PRDM2: variants seen among roughly 807,000 people sequenced by gnomAD.
PRDM2 encodes PR/SET domain 2, also known as PR domain zinc finger protein 2.
Under a neutral mutation model 130.0 loss-of-function variants are expected in PRDM2, and 30 were observed. The ratio of observed to expected loss-of-function variants is 0.23; its 90% CI spans 0.17 to 0.31. The LOEUF (loss-of-function observed/expected upper bound fraction) is 0.31, where lower values mean the gene tolerates loss of function less well. Ranked by LOEUF, PRDM2 falls within the 10% of genes least tolerant of loss-of-function variation. PRDM2 has a pLI of 1.00. For synonymous variants in PRDM2, 871 were observed against 782.4 expected, an observed-to-expected ratio of 1.11 and a Z score of -1.89; for missense variants, 2,011 against 2,108.4, an observed-to-expected ratio of 0.95 and a Z score of 0.90.
rs775365647 is a variant in PRDM2 at position 13,715,560 on chromosome 1, G to A, written c.-46G>A. On this transcript the variant is annotated 5_prime_UTR_variant, in exon 2 of 10. Transcript: ENST00000311066. ...TTTTAGGGTTCATGTAATCAAAGAA[G>A]TTTCTTTGTTGTGTGTATCTTTACA... 2.0e-6 allele frequency: 3 copies of A among 1,518,076 alleles called. No individual in the cohort carries two copies. Among genetic ancestry groups the A allele is most frequent in the East Asian group, 4.8e-5 (2 of 41,328 alleles). The allele number at this position is 1,518,076 out of a possible 1,614,324, so 94.0% of individuals were successfully genotyped here. A position where few individuals can be genotyped will look rare whatever the true frequency, so the allele number is the denominator to read the frequency against.
At position 13,806,996 on chromosome 1, in the gene PRDM2, C is replaced by T. The variant is rs74828630; in HGVS notation, c.5037-9431C>T. ...CACTGCCGTTTCCCATGTCACCTTT[C>T]CCTGTCTTCTCCTCCACTCTGACCT... On this transcript the variant is annotated intron_variant, in intron 8 of 9. Transcript: ENST00000311066. This position sits in a 1 kb window ranked among gnomAD's most constrained non-coding sequence, Gnocchi z 4.1. 0.036 allele frequency among the ~76,000 whole-genome samples: 5,448 copies of T among 152,240 alleles called. 145 individuals carry two copies. Among genetic ancestry groups the T allele is most frequent in the Non-Finnish European group, 0.053 (3,630 of 68,012 alleles).
At chr1:13,739,763 A>AAT (rs1189695300) in intron 4 of PRDM2, among the ~76,000 whole-genome samples, 6 of 151,788 alleles carry the variant, frequency 4.0e-5, no homozygotes, top group African/African-American at 7.2e-5. Flanking sequence ...GTATATTTTA[A>AAT]ATATATATAT....
chr1:13,750,382 GT>G (rs1643786671), intron 6 of PRDM2, among the ~76,000 whole-genome samples: 2 of 149,106 alleles, frequency 1.3e-5, no homozygotes, highest in African/African-American at 4.9e-5. Flanking sequence ...TGTGTTTTTT[GT>G]TTTTTTGTTT....
Position 13,749,443 on chromosome 1 carries a change from G to C in PRDM2, c.467G>C (p.Arg156Pro), listed in dbSNP as rs1213397413. The C allele has an allele frequency of 2.0e-6, 3 of 1,512,526 alleles. No homozygotes were observed. Among genetic ancestry groups the C allele is most frequent in the South Asian group, 1.1e-5 (1 of 87,994 alleles). The allele number at this position is 1,512,526 out of a possible 1,614,324, so 93.7% of individuals were successfully genotyped here. Residue 156 changes from arginine to proline, a missense_variant, in exon 6 of 10, where the codon CGA becomes CCA. By Grantham distance (103) the Arg-to-Pro change is moderately radical (BLOSUM62 -2). Coordinates refer to ENST00000311066, the MANE Select transcript of PRDM2 (RefSeq NM_001393986.1). ...PEIAAAIEEE[R>P]ASARSKRSSP... ...ATAGCAGCTGCGATTGAGGAAGAGC[G>C]AGCCAGCGCCCGGAGCAAGCGGAGC... is the stretch of plus-strand genomic sequence containing the variant.
intron 2 of PRDM2, among the ~76,000 whole-genome samples, chr1:13,726,586 G>C (rs997517747): frequency 6.6e-6 from 1 of 152,198 alleles, no homozygotes; most frequent in African/African-American, 2.4e-5. Context: ...GAAGAGAAGC[G>C]GGTAGTGACT....
chr1:13,700,462 C>T (rs1191698409), intron 1 of PRDM2, among the ~76,000 whole-genome samples, 162 bp downstream of exon 1: 4 of 149,940 alleles, frequency 2.7e-5, no homozygotes, highest in Admixed American at 2.0e-4. Context: ...CCGGGCGTGC[C>T]GGGGGCCCCG....
At chr1:13,721,217 T>C (rs1642717758) in intron 2 of PRDM2, among the ~76,000 whole-genome samples, 1 of 152,216 alleles carries the variant, frequency 6.6e-6, no homozygotes, top group Admixed American at 6.5e-5. Flanking sequence ...GGGAGCTGTT[T>C]TATGGGAGAC....
At chr1:13,817,551 T>C (rs1203669029) in intron 9 of PRDM2, among the ~76,000 whole-genome samples, 2 of 151,464 alleles carry the variant, frequency 1.3e-5, no homozygotes, top group African/African-American at 4.9e-5. Context: ...AAGGCCAGCA[T>C]CTCAAAGTGA....
chr1:13,765,883 T>A (rs766851201), intron 6 of PRDM2, among the ~76,000 whole-genome samples: 1 of 152,216 alleles, frequency 6.6e-6, no homozygotes, highest in Non-Finnish European at 1.5e-5. Context: ...ATTTAACATG[T>A]ACTTTATACT....
At chr1:13,715,015 C>G (rs1351723560) in intron 1 of PRDM2, among the ~76,000 whole-genome samples, 2 of 152,188 alleles carry the variant, frequency 1.3e-5, no homozygotes, top group Non-Finnish European at 2.9e-5. Flanking sequence ...TTCCCAACAT[C>G]TTTTATTAAA....
At chr1:13,732,164 A>G (rs1399348309) in intron 3 of PRDM2, among the ~76,000 whole-genome samples, 2 of 152,214 alleles carry the variant, frequency 1.3e-5, no homozygotes, top group African/African-American at 4.8e-5. Context: ...TGCATAGTAA[A>G]TAGAAACAAC....
At chr1:13,754,460 G>A (rs1643902948) in intron 6 of PRDM2, among the ~76,000 whole-genome samples, 1 of 152,196 alleles carries the variant, frequency 6.6e-6, no homozygotes, top group South Asian at 2.1e-4. Flanking sequence ...CTACCAATGA[G>A]TGTCACAGTC....
chr1:13,782,355 G>A lies in PRDM2; in HGVS notation c.4560G>A (p.Ala1520=), dbSNP rs763171623. The stretch of plus-strand genomic sequence containing the variant: ...ACCACCGCAGACGGACAGCGGATGC[G>A]GAGATTAAAATGCAAAGCATGCAGA... ...NSNHRRRTAD[A]EIKMQSMQTP... Residue 1520 remains alanine, a synonymous_variant, in exon 8 of 10, where the codon GCG becomes GCA. Transcript: ENST00000311066. 9 of 1,613,960 alleles carry A rather than the reference G, an allele frequency of 5.6e-6. No individual in the cohort carries two copies. The highest frequency in any genetic ancestry group is 2.2e-5 in the South Asian group (2 of 91,048).
intron 9 of PRDM2, among the ~76,000 whole-genome samples, chr1:13,818,056 G>T (rs1645285597): frequency 6.6e-6 from 1 of 152,166 alleles, no homozygotes; most frequent in African/African-American, 2.4e-5. Context: ...ATGGGAGGGA[G>T]GGGACTGGCC....
rs773841824 is a variant in PRDM2, at chr1:13,731,088, TC to T, written c.101del (p.Pro34LeufsTer18). 3 of 1,612,474 alleles carry T rather than the reference TC, an allele frequency of 1.9e-6. No individual in the cohort carries two copies. The highest frequency in any genetic ancestry group is 2.5e-6 in the Non-Finnish European group (3 of 1,179,468). On this transcript the variant is annotated frameshift_variant, in exon 3 of 10. Coordinates refer to ENST00000311066, the MANE Select transcript of PRDM2 (RefSeq NM_001393986.1). LOFTEE classifies it high-confidence loss of function. ...LRGLPEEVRL[F>X]PSAVDKTRIG... ...GGACTTCCGGAGGAAGTGAGGCTTTTCCCTTCTGCTGTTGACAAGACCCGGA... is the reference window on the plus strand; with the variant it reads ...GGACTTCCGGAGGAAGTGAGGCTTTTCCTTCTGCTGTTGACAAGACCCGGA...
In PRDM2 at chr1:13,803,588, T is replaced by C. The variant is rs1183150287; in HGVS notation, c.5037-12839T>C. ...GGAGTATGACTGTGAGCGAGTGCCT[T>C]GCTCGCTCTCCTCGGTTTCCTCGTC... On this transcript the variant is annotated intron_variant, in intron 8 of 9. Coordinates refer to ENST00000311066, the MANE Select transcript of PRDM2 (RefSeq NM_001393986.1). This position sits in a 1 kb window ranked among gnomAD's most constrained non-coding sequence, Gnocchi z 6.2. 6.6e-6 allele frequency among the ~76,000 whole-genome samples: 1 copy of C among 152,140 alleles called. No homozygotes were observed. Among genetic ancestry groups the C allele is most frequent in the Non-Finnish European group, 1.5e-5 (1 of 68,022 alleles).
At chr1:13,753,410 C>T (rs924357105) in intron 6 of PRDM2, among the ~76,000 whole-genome samples, 8 of 152,194 alleles carry the variant, frequency 5.3e-5, no homozygotes, top group Non-Finnish European at 1.0e-4. Flanking sequence ...TTAGTCACCA[C>T]AGAACAGTTA....
At chr1:13,743,274 C>T (rs1643504432) in intron 5 of PRDM2, among the ~76,000 whole-genome samples, 1 of 151,876 alleles carries the variant, frequency 6.6e-6, no homozygotes, top group Non-Finnish European at 1.5e-5. Context: ...GTGGCGGGCA[C>T]CTGTAGTCCC....
chr1:13,762,366 C>G (rs1026577248), intron 6 of PRDM2, among the ~76,000 whole-genome samples: 3 of 152,218 alleles, frequency 2.0e-5, no homozygotes, highest in Non-Finnish European at 4.4e-5. Context: ...TGAGTGCCAC[C>G]ACCACACTGG....
Sources: allele counts gnomAD v4.1 joint callset (sites outside exome capture counted in the v4.1 genomes callset), GRCh38; gene constraint gnomAD v4.1.1; non-coding constraint Gnocchi (gnomAD v3.1); transcripts MANE v1.5; gene names NCBI Gene and HGNC (gene_info 2026-07-23, HGNC 2026-07-21).